Variants in ETV6 observed in about 807,000 individuals in gnomAD.
The protein encoded by ETV6 is transcription factor ETV6.
A neutral mutation model predicts 51.1 loss-of-function variants in ETV6; 16 were observed. That is an observed-to-expected ratio of 0.31 (90% CI 0.21 to 0.48). The LOEUF is 0.48. Ranked by LOEUF, ETV6 falls within the 20% of genes least tolerant of loss-of-function variation. The probability of loss-of-function intolerance (pLI) is 0.99; values close to 1 mark genes in which losing one functional copy is unlikely to be tolerated. For synonymous variants in ETV6, 240 were observed against 224.1 expected (o/e 1.07, Z -0.64); for missense variants, 458 against 594.8 (o/e 0.77, Z 2.39).
intron 2 of ETV6, among the ~76,000 whole-genome samples, chr12:11,760,878 A>ATGTGTG (rs59373097): frequency 0.013 from 1,952 of 148,484 alleles, 20 homozygotes; most frequent in East Asian, 0.074. Context: ...TATTATATAT[A>ATGTGTG]TGTGTGTGTG....
intron 3 of ETV6, chr12:11,840,358 G>C (rs1411277385): frequency 4.4e-6 from 2 of 451,576 alleles, no homozygotes; most frequent in Non-Finnish European, 8.9e-6. Context: ...ACCTGTCTGG[G>C]AACTACATAT....
At chr12:11,795,089 G>C (rs372225148) in intron 2 of ETV6, among the ~76,000 whole-genome samples, 104 of 152,346 alleles carry the variant, frequency 6.8e-4, no homozygotes, top group African/African-American at 2.4e-3. Flanking sequence ...CAAGGCATAT[G>C]TGCATATTTG....
intron 1 of ETV6, among the ~76,000 whole-genome samples, chr12:11,750,436 A>C (rs934112137): frequency 7.9e-5 from 12 of 152,184 alleles, no homozygotes; most frequent in Non-Finnish European, 1.6e-4. Context: ...TGGACTAGCC[A>C]GAGTGTCTTG....
At chr12:11,871,105 C>T (rs935071893) in intron 5 of ETV6, among the ~76,000 whole-genome samples, 4 of 152,038 alleles carry the variant, frequency 2.6e-5, no homozygotes, top group African/African-American at 9.7e-5. Flanking sequence ...CCGGTGAGAG[C>T]TCTAGCTGAC....
chr12:11,746,790 C>CTTT (rs56135545), intron 1 of ETV6, among the ~76,000 whole-genome samples: 2 of 118,658 alleles, frequency 1.7e-5, no homozygotes, highest in Non-Finnish European at 1.8e-5. Flanking sequence ...CTCTCTCTCT[C>CTTT]TTTTTTTTTT....
chr12:11,815,516 C>T (rs1050237588), intron 2 of ETV6, among the ~76,000 whole-genome samples: 2 of 152,214 alleles, frequency 1.3e-5, no homozygotes, highest in African/African-American at 2.4e-5. Context: ...CCTGGCCCTC[C>T]GTCTACTTGG....
intron 1 of ETV6, among the ~76,000 whole-genome samples, chr12:11,659,037 G>A (rs1195993574): frequency 6.6e-6 from 1 of 152,206 alleles, no homozygotes; most frequent in Non-Finnish European, 1.5e-5. Flanking sequence ...TGTTTAACAG[G>A]CAGTTCCATG....
In ETV6 at chr12:11,869,911, C is replaced by T. The variant is rs1456976125; in HGVS notation, c.951C>T (p.His317=). The T allele has an allele frequency of 3.1e-6, 5 of 1,612,084 alleles. No individual in the cohort carries two copies. The highest frequency in any genetic ancestry group is 4.2e-6 in the Non-Finnish European group (5 of 1,179,996). The change falls in exon 5 of 8, where the codon CAC becomes CAT. Residue 317 remains histidine, a synonymous_variant. Transcript: ENST00000396373. This position sits in a 1 kb window ranked among gnomAD's most constrained non-coding sequence, Gnocchi z 5.0. ...GGGAAGACCTGGCTTACATGAACCA[C>T]ATCATGGTCTCTGTCTCCCCGCCTG... The part of the protein sequence containing the change: ...SHREDLAYMN[H]IMVSVSPPEE...
intron 1 of ETV6, among the ~76,000 whole-genome samples, chr12:11,671,815 T>C (rs1864321684): frequency 6.6e-6 from 1 of 152,112 alleles, no homozygotes; most frequent in Admixed American, 6.5e-5. Flanking sequence ...TTAGTTTTAT[T>C]TTAGGCTGTA....
At chr12:11,864,030 C>A (rs1338183878) in intron 4 of ETV6, among the ~76,000 whole-genome samples, 2 of 152,222 alleles carry the variant, frequency 1.3e-5, no homozygotes, top group Non-Finnish European at 2.9e-5. Flanking sequence ...ATAAATAAAT[C>A]AAGCTCCTCC....
At chr12:11,766,837 G>GT (rs1311815718) in intron 2 of ETV6, among the ~76,000 whole-genome samples, 1 of 152,182 alleles carries the variant, frequency 6.6e-6, no homozygotes, top group Non-Finnish European at 1.5e-5. Flanking sequence ...GGCAGTAAAT[G>GT]TAAGTGCTAT....
chr12:11,751,834 C>A, intron 1 of ETV6: 1 of 509,130 alleles, frequency 2.0e-6, no homozygotes, highest in Non-Finnish European at 3.9e-6. Context: ...CAGATAATTC[C>A]TAGCAATGAA....
chr12:11,789,982 A>G (rs1433214227), intron 2 of ETV6, among the ~76,000 whole-genome samples: 2 of 151,938 alleles, frequency 1.3e-5, no homozygotes, highest in Admixed American at 6.6e-5. Flanking sequence ...TGTTTTCTTC[A>G]TTCTTTCTCC....
intron 1 of ETV6, among the ~76,000 whole-genome samples, chr12:11,691,520 T>C (rs959813087): frequency 1.3e-5 from 2 of 152,220 alleles, no homozygotes; most frequent in Non-Finnish European, 2.9e-5. Flanking sequence ...CATACACACA[T>C]AAAAAGTATG....
intron 1 of ETV6, among the ~76,000 whole-genome samples, chr12:11,687,883 T>C (rs1288417313): frequency 1.3e-5 from 2 of 152,182 alleles, no homozygotes; most frequent in African/African-American, 4.8e-5. Context: ...ACTGGAATAA[T>C]GATAACAATG....
At chr12:11,800,463 G>A (rs1945730493) in intron 2 of ETV6, among the ~76,000 whole-genome samples, 2 of 152,184 alleles carry the variant, frequency 1.3e-5, no homozygotes, top group Admixed American at 1.3e-4. Flanking sequence ...CATACACAGT[G>A]TTATTAACCA....
At chr12:11,671,269 A>C (rs1275862755) in intron 1 of ETV6, among the ~76,000 whole-genome samples, 1 of 152,196 alleles carries the variant, frequency 6.6e-6, no homozygotes, top group Non-Finnish European at 1.5e-5. Flanking sequence ...GGTTTGCTGT[A>C]CAATGCTTTG....
chr12:11,672,497 A>G lies in ETV6; in HGVS notation c.33+22337A>G, dbSNP rs142933866. ...CCCCCCTCCTAACTTCGTTAACACA[A>G]CGACGTAGCAATTAAGTAGCATGGG... On this transcript the variant is annotated intron_variant, in intron 1 of 7. Transcript: ENST00000396373. Among the ~76,000 whole-genome samples the G allele has an allele frequency of 6.7e-3, 1,023 of 152,304 alleles. 9 individuals carry two copies. Among genetic ancestry groups the G allele is most frequent in the African/African-American group, 0.023 (952 of 41,570 alleles).
At chr12:11,818,389 G>A (rs529380929) in intron 2 of ETV6, among the ~76,000 whole-genome samples, 16 of 152,102 alleles carry the variant, frequency 1.1e-4, no homozygotes, top group African/African-American at 1.4e-4. Flanking sequence ...TTAGCTGAGC[G>A]TGGTGATGCA....
Sources: allele counts gnomAD v4.1 joint callset (sites outside exome capture counted in the v4.1 genomes callset), GRCh38; gene constraint gnomAD v4.1.1; non-coding constraint Gnocchi (gnomAD v3.1); transcripts MANE v1.5; gene names NCBI Gene and HGNC (gene_info 2026-07-23, HGNC 2026-07-21).